The following GSE1 variants were observed in gnomAD, a reference collection of about 807,000 sequenced individuals.
The protein encoded by GSE1 is Gse1 coiled-coil protein, also known as genetic suppressor element 1.
A neutral mutation model predicts 112.6 loss-of-function variants in GSE1; 32 were observed. The observed-to-expected ratio is 0.28, with a 90% confidence interval of 0.21 to 0.38. The LOEUF (loss-of-function observed/expected upper bound fraction) is 0.38, where lower values mean the gene tolerates loss of function less well. Among genes scored for constraint, GSE1 ranks in the 10% least tolerant of loss-of-function variants. The pLI is 1.00. For synonymous variants in GSE1, 1,115 were observed against 735.6 expected (o/e 1.52, Z -8.35); for missense variants, 2,348 against 1,699.2 (o/e 1.38, Z -6.71).
At chr16:85,472,344 C>A (rs1484034041) in intron 2 of GSE1, among the ~76,000 whole-genome samples, 2 of 152,214 alleles carry the variant, frequency 1.3e-5, no homozygotes, top group African/African-American at 4.8e-5. Context: ...CCTGCCTCTT[C>A]CAGCCTCTGG....
At chr16:85,209,032 G>A (rs1299055783) in intron 1 of GSE1, among the ~76,000 whole-genome samples, 1 of 151,538 alleles carries the variant, frequency 6.6e-6, no homozygotes, top group Admixed American at 6.6e-5. Flanking sequence ...GGGTTCGCCT[G>A]TGTTGGGGTT....
At chr16:85,386,552 TG>T (rs1808063153) in intron 2 of GSE1, among the ~76,000 whole-genome samples, 1 of 152,232 alleles carries the variant, frequency 6.6e-6, no homozygotes, top group Non-Finnish European at 1.5e-5. Flanking sequence ...TCATCATCAC[TG>T]TCATAGTGGT....
In GSE1 at chr16:85,419,837, G is replaced by A. The variant is rs1436266723; in HGVS notation, c.2464+62194G>A. The stretch of plus-strand genomic sequence containing the variant: ...TGCAGGGCCAGCCAGGAACTCCACA[G>A]GTGAAGTGGAGTGGGCAGCCAGGGC... On this transcript the variant is annotated intron_variant, in intron 2 of 2. Transcript: ENST00000637419. This position sits in a 1 kb window ranked among gnomAD's most constrained non-coding sequence, Gnocchi z 6.5. Among the ~76,000 whole-genome samples, 1 of 148,596 alleles carries A rather than the reference G, an allele frequency of 6.7e-6. No homozygotes were observed. Among genetic ancestry groups the A allele is most frequent in the Admixed American group, 6.7e-5 (1 of 14,950 alleles).
In GSE1 at chr16:85,419,767, C is replaced by T. The variant is rs547162986; in HGVS notation, c.2464+62124C>T. Among the ~76,000 whole-genome samples, 4 of 152,090 alleles carry T rather than the reference C, an allele frequency of 2.6e-5. No homozygotes were observed. Among genetic ancestry groups the T allele is most frequent in the East Asian group, 3.9e-4 (2 of 5,182 alleles). On this transcript the variant is annotated intron_variant, in intron 2 of 2. Transcript: ENST00000637419. This position sits in a 1 kb window ranked among gnomAD's most constrained non-coding sequence, Gnocchi z 6.5. Reference sequence around the variant, plus strand: ...TGATGCCTGCCTCCCCCGCCCCGCCCCCACCCCTCCAAGACTCTGATGGAA... The same window carrying T: ...TGATGCCTGCCTCCCCCGCCCCGCCTCCACCCCTCCAAGACTCTGATGGAA...
At chr16:85,631,671 G>C (rs1273768397) in intron 1 of GSE1, among the ~76,000 whole-genome samples, 1 of 152,238 alleles carries the variant, frequency 6.6e-6, no homozygotes, top group African/African-American at 2.4e-5. Context: ...TGCCCCACAG[G>C]CTCTGAAGCC....
intron 2 of GSE1, among the ~76,000 whole-genome samples, chr16:85,437,137 C>T (rs1340684393): frequency 1.3e-5 from 2 of 152,122 alleles, no homozygotes; most frequent in South Asian, 2.1e-4. Flanking sequence ...GGCGACGAGG[C>T]GGCCTGCCCC....
chr16:85,627,256 G>T (rs77660583), intron 1 of GSE1, among the ~76,000 whole-genome samples: 2 of 150,998 alleles, frequency 1.3e-5, no homozygotes, highest in Non-Finnish European at 3.0e-5. Flanking sequence ...AGGGTTTTGC[G>T]GTGCTGTGGG....
intron 1 of GSE1, among the ~76,000 whole-genome samples, chr16:85,622,681 G>A (rs951470560): frequency 4.6e-5 from 7 of 152,142 alleles, no homozygotes; most frequent in Admixed American, 2.0e-4. Context: ...TGACTTGAGG[G>A]GCAAGTCCTG....
chr16:85,372,179 A>G (rs2047315154), intron 2 of GSE1, among the ~76,000 whole-genome samples: 1 of 152,168 alleles, frequency 6.6e-6, no homozygotes, highest in African/African-American at 2.4e-5. Flanking sequence ...GGGCTGTGGA[A>G]GATGGATTTG....
chr16:85,633,078 C>T (rs967886127), intron 1 of GSE1, among the ~76,000 whole-genome samples: 13 of 152,338 alleles, frequency 8.5e-5, no homozygotes, highest in African/African-American at 2.9e-4. Flanking sequence ...TGCGCCAGGT[C>T]GGCCTGAACT....
At chr16:85,414,590 C>CAT (rs2048661083) in intron 2 of GSE1, among the ~76,000 whole-genome samples, 1 of 152,172 alleles carries the variant, frequency 6.6e-6, no homozygotes, top group African/African-American at 2.4e-5. Context: ...AGGGAGACAG[C>CAT]ATCATAATTT....
chr16:85,239,556 G>A (rs191458052), intron 1 of GSE1, among the ~76,000 whole-genome samples: 131 of 152,322 alleles, frequency 8.6e-4, no homozygotes, highest in African/African-American at 2.9e-3. Context: ...CAGGATCCTG[G>A]TGCTACCATG....
chr16:85,227,544 G>A (rs2075510116), intron 1 of GSE1, among the ~76,000 whole-genome samples: 1 of 152,258 alleles, frequency 6.6e-6, no homozygotes, highest in South Asian at 2.1e-4. Flanking sequence ...GCATGAGAGT[G>A]TGGCGAGCAT....
At chr16:85,562,835 G>A (rs1428154467) in intron 1 of GSE1, among the ~76,000 whole-genome samples, 1 of 152,274 alleles carries the variant, frequency 6.6e-6, no homozygotes, top group Non-Finnish European at 1.5e-5. Context: ...AGACCTCGCA[G>A]GCCTGTTGAC....
intron 2 of GSE1, among the ~76,000 whole-genome samples, chr16:85,647,848 G>C (rs2051009972): frequency 6.6e-6 from 1 of 152,142 alleles, no homozygotes; most frequent in Non-Finnish European, 1.5e-5. Context: ...GCCTCCCAAA[G>C]TGCTGGGATT....
chr16:85,666,131 GAGA>G lies in GSE1; in HGVS notation c.2917_2919del (p.Lys973del). The G allele has an allele frequency of 3.7e-6, 6 of 1,613,198 alleles. No individual in the cohort carries two copies. The highest frequency in any genetic ancestry group is 5.1e-6 in the Non-Finnish European group (6 of 1,179,972). On this transcript the variant is annotated inframe_deletion, in exon 13 of 16. Transcript: ENST00000253458. ...CCAGGAGCTAGCTCCTGCCAGCGGG[GAGA>G]AGGCCAGGCTGAGCGAGGCCCCTGG...
At chr16:85,403,478 C>T (rs932618292) in intron 2 of GSE1, among the ~76,000 whole-genome samples, 14 of 152,036 alleles carry the variant, frequency 9.2e-5, no homozygotes, top group African/African-American at 3.4e-4. Context: ...CCTTGTGACT[C>T]TTCAAGGGAG....
chr16:85,229,958 G>C (rs2075553681), intron 1 of GSE1, among the ~76,000 whole-genome samples: 1 of 152,184 alleles, frequency 6.6e-6, no homozygotes, highest in African/African-American at 2.4e-5. Flanking sequence ...GCAAACCTAG[G>C]TCCAGTTGTC....
At chr16:85,656,840 G>GTAGA (rs1267593436) in intron 7 of GSE1, among the ~76,000 whole-genome samples, 175 bp downstream of exon 7, 1 of 152,204 alleles carries the variant, frequency 6.6e-6, no homozygotes, top group African/African-American at 2.4e-5. Flanking sequence ...GGCACACGAT[G>GTAGA]TAGACACAGT....
Sources: allele counts gnomAD v4.1 joint callset (sites outside exome capture counted in the v4.1 genomes callset), GRCh38; gene constraint gnomAD v4.1.1; non-coding constraint Gnocchi (gnomAD v3.1); transcripts MANE v1.5; gene names NCBI Gene and HGNC (gene_info 2026-07-23, HGNC 2026-07-21).